COL5A1: variants seen among roughly 807,000 people sequenced by gnomAD.
The protein encoded by COL5A1 is collagen type V alpha 1 chain.
Under a neutral mutation model 263.7 loss-of-function variants are expected in COL5A1, and 16 were observed. The observed-to-expected ratio is 0.06, with a 90% confidence interval of 0.04 to 0.09. The LOEUF is 0.09. Ranked by LOEUF, COL5A1 falls within the 10% of genes least tolerant of loss-of-function variation. COL5A1 has a pLI of 1.00. For synonymous variants in COL5A1, 1,012 were observed against 1,004.5 expected (o/e 1.01, Z -0.14); for missense variants, 2,036 against 2,540.5 (o/e 0.80, Z 4.27).
intron 2 of COL5A1, among the ~76,000 whole-genome samples, chr9:134,693,754 T>G (rs1230701234): frequency 1.3e-5 from 2 of 152,232 alleles, no homozygotes; most frequent in East Asian, 3.8e-4. Context: ...TCCACCCCAC[T>G]TGGCTTGTGG....
At chr9:134,802,143 G>GA in intron 38 of COL5A1, 136 bp downstream of exon 38, 1 of 901,384 alleles carries the variant, frequency 1.1e-6, no homozygotes, top group Non-Finnish European at 1.8e-6. Context: ...CTTAGGTCCT[G>GA]AATGTTGGTC....
intron 42 of COL5A1, among the ~76,000 whole-genome samples, chr9:134,807,625 C>A (rs75130103): frequency 6.6e-6 from 1 of 152,342 alleles, no homozygotes; most frequent in Non-Finnish European, 1.5e-5. Flanking sequence ...GTTTCACTCT[C>A]AGTGGCTCAT....
chr9:134,730,207 C>T, intron 6 of COL5A1, 29 bp from the exon 7 acceptor site: 1 of 1,611,386 alleles, frequency 6.2e-7, no homozygotes, highest in African/African-American at 1.3e-5. Context: ...TCCGCCCTGA[C>T]TCCAGCTGTC....
chr9:134,657,684 A>G (rs1832063353), intron 1 of COL5A1, among the ~76,000 whole-genome samples: 1 of 143,482 alleles, frequency 7.0e-6, no homozygotes, highest in African/African-American at 2.7e-5. Flanking sequence ...GGGCTGTGGA[A>G]CCTTCCTCTG....
intron 1 of COL5A1, among the ~76,000 whole-genome samples, chr9:134,653,710 C>G (rs1206945732): frequency 6.6e-6 from 1 of 151,184 alleles, no homozygotes; most frequent in African/African-American, 2.4e-5. Context: ...GGATGGTGGT[C>G]TGCAGGGCTG....
At position 134,759,487 on chromosome 9, in the gene COL5A1, CCA is replaced by C. The variant is rs529209559; in HGVS notation, c.1935+1195_1935+1196del. ...TGCACGCACACACACCCACACACAC[CCA>C]CACTCATACACACATGCACACACAC... On this transcript the variant is annotated intron_variant, in intron 18 of 65. Transcript: ENST00000371817. 5.4e-5 allele frequency among the ~76,000 whole-genome samples: 6 copies of C among 111,232 alleles called. No homozygotes were observed. In the South Asian group the frequency reaches 1.3e-3, roughly 23 times the overall value. The allele number at this position is 111,232 out of a possible 152,430, so 73.0% of individuals were successfully genotyped here. A position where few individuals can be genotyped will look rare whatever the true frequency, so the allele number is the denominator to read the frequency against.
chr9:134,759,540 TGC>T (rs576119873), intron 18 of COL5A1, among the ~76,000 whole-genome samples: 5 of 62,938 alleles, frequency 7.9e-5, no homozygotes, highest in African/African-American at 5.2e-4. Context: ...ACACCACACA[TGC>T]GCACACACAC....
Position 134,817,591 on chromosome 9 carries a change from C to G in COL5A1, c.4177-187C>G, listed in dbSNP as rs115441854. Among the ~76,000 whole-genome samples, 682 of 152,178 alleles carry G rather than the reference C, an allele frequency of 4.5e-3. 5 individuals are homozygous for G. Among genetic ancestry groups the G allele is most frequent in the African/African-American group, 0.016 (646 of 41,528 alleles). On this transcript the variant is annotated intron_variant, in intron 53 of 65. Coordinates refer to ENST00000371817, the MANE Select transcript of COL5A1 (RefSeq NM_000093.5). ...GAGGACCCGTGTCACTGCGGGTGGC[C>G]CGGGAGCAGCCTCCATGACCCTGCA...
At chr9:134,676,026 A>G (rs1832675875) in intron 1 of COL5A1, among the ~76,000 whole-genome samples, 1 of 151,932 alleles carries the variant, frequency 6.6e-6, no homozygotes, top group Non-Finnish European at 1.5e-5. Flanking sequence ...TGAAACTTCC[A>G]CACTTTAAAA....
chr9:134,779,997 T>A, intron 27 of COL5A1, 105 bp from the exon 28 acceptor site: 1 of 1,288,250 alleles, frequency 7.8e-7, no homozygotes. Flanking sequence ...GCTGGCCTCA[T>A]CTGTCAGCTT....
intron 43 of COL5A1, among the ~76,000 whole-genome samples, chr9:134,809,596 C>A (rs1205995087): frequency 6.6e-6 from 1 of 152,244 alleles, no homozygotes; most frequent in Admixed American, 6.5e-5. Context: ...CCCGGTCCCC[C>A]CGAATAATTT....
chr9:134,806,284 G>A lies in COL5A1; in HGVS notation c.3354G>A (p.Glu1118=), dbSNP rs2132830826. 6.5e-7 allele frequency: 1 copy of A among 1,548,314 alleles called. No individual in the cohort carries two copies. ...GPQGPPGPAG[E]KGAPGEKGPQ... ...AGGGACCCCCAGGGCCGGCAGGAGA[G>A]AAAGGGGCTCCTGTAAGTACTGCCT... Residue 1118 remains glutamate (E), a synonymous_variant, in exon 42 of 66, where the codon GAG becomes GAA. Transcript: ENST00000371817.
At chr9:134,745,556 G>A (rs540919544) in intron 11 of COL5A1, among the ~76,000 whole-genome samples, 5 of 152,254 alleles carry the variant, frequency 3.3e-5, no homozygotes, top group Non-Finnish European at 7.4e-5. Flanking sequence ...TGGTTGAGGG[G>A]TGCGGTCTGA....
At chr9:134,796,478 T>C in intron 35 of COL5A1, 60 bp downstream of exon 35, 3 of 1,541,534 alleles carry the variant, frequency 1.9e-6, no homozygotes, top group Non-Finnish European at 2.7e-6. Context: ...GAATGCCCCC[T>C]GCACTTTGTC....
rs887854998 is a variant in COL5A1 at position 134,732,132 on chromosome 9, G to A, written c.1389+5G>A. 2 of 1,614,260 alleles carry A rather than the reference G, an allele frequency of 1.2e-6. No individual in the cohort carries two copies. Among genetic ancestry groups the A allele is most frequent in the South Asian group, 1.1e-5 (1 of 91,090 alleles). On this transcript the variant is annotated splice_donor_5th_base_variant and intron_variant, in intron 9 of 65. Transcript: ENST00000371817. ...GAACCAGCGATTATCGAGCCGGTGA[G>A]GACATTTTCTCATTCCCTCCCTGCG...
intron 9 of COL5A1, among the ~76,000 whole-genome samples, chr9:134,735,302 C>CCCACCA (rs1554789012): frequency 5.3e-5 from 8 of 152,112 alleles, no homozygotes; most frequent in Non-Finnish European, 1.2e-4. Context: ...TGATCCTGCA[C>CCCACCA]CCACCACCAC....
chr9:134,730,502 G>C (rs936799861), intron 7 of COL5A1, 27 bp downstream of exon 7: 8 of 1,613,252 alleles, frequency 5.0e-6, no homozygotes, highest in Non-Finnish European at 6.8e-6. Flanking sequence ...CCATTGGTTT[G>C]GTCTGGGGCA....
intron 48 of COL5A1, 64 bp from the exon 49 acceptor site, chr9:134,813,919 A>C: frequency 7.2e-5 from 111 of 1,531,228 alleles, no homozygotes; most frequent in Middle Eastern, 1.7e-4. Flanking sequence ...AAATGCTTGA[A>C]ACCGTAGCAC....
At chr9:134,833,685 C>A (rs1839737517) in intron 64 of COL5A1, among the ~76,000 whole-genome samples, 2 of 152,328 alleles carry the variant, frequency 1.3e-5, no homozygotes, top group Middle Eastern at 3.4e-3. Context: ...AGGCTCGCCT[C>A]CCCTGAGCAC....
Sources: gnomAD v4.1 joint callset for allele counts (sites outside exome capture counted in the v4.1 genomes callset) on GRCh38, gnomAD v4.1.1 for gene constraint, MANE v1.5 for transcripts, NCBI Gene and HGNC (gene_info 2026-07-23, HGNC 2026-07-21) for gene names.